The following RBMS3 variants were observed in gnomAD, a reference collection of about 807,000 sequenced individuals.
RBMS3 encodes the protein RNA-binding motif, single-stranded-interacting protein 3.
RBMS3 carries 27 observed loss-of-function variants against 66.8 expected under a neutral mutation model. That is an observed-to-expected ratio of 0.40 (90% CI 0.30 to 0.56). The LOEUF is 0.56. Ranked by LOEUF, RBMS3 falls within the 20% of genes least tolerant of loss-of-function variation. The probability of loss-of-function intolerance (pLI) is 0.40; values close to 1 mark genes in which losing one functional copy is unlikely to be tolerated. For missense variants in RBMS3, 513 were observed against 549.5 expected (o/e 0.93, Z 0.66); for synonymous variants, 188 against 183.0 (o/e 1.03, Z -0.22).
At position 29,281,400 on chromosome 3, in the gene RBMS3, G is replaced by A. The variant is rs1384819847; in HGVS notation, c.-282G>A. On this transcript the variant is annotated 5_prime_UTR_variant, in exon 1 of 15. Coordinates refer to ENST00000383767, the MANE Select transcript of RBMS3 (RefSeq NM_001003793.3). Reference sequence around the variant, plus strand: ...AACTGCCTCATCCCAAGTGGACCCCGGCAGCTGGGGGAAGCCAGGCAAGAT... The same window carrying A: ...AACTGCCTCATCCCAAGTGGACCCCAGCAGCTGGGGGAAGCCAGGCAAGAT... 8.4e-6 allele frequency: 4 copies of A among 476,698 alleles called. No homozygotes were observed. In the East Asian group the frequency reaches 1.2e-4, roughly 14 times the overall value. 29.5% of individuals were successfully genotyped at this position (476,698 alleles called of 1,614,324 possible).
intron 1 of RBMS3, among the ~76,000 whole-genome samples, chr3:29,391,916 T>G (rs866205536): frequency 2.6e-4 from 40 of 152,144 alleles, no homozygotes; most frequent in African/African-American, 9.2e-4. Flanking sequence ...ATTTTTAACA[T>G]AATAGAGGAA....
chr3:29,366,568 A>C (rs933782491), intron 1 of RBMS3, among the ~76,000 whole-genome samples: 2 of 151,638 alleles, frequency 1.3e-5, no homozygotes, highest in African/African-American at 4.8e-5. Context: ...TTTTTTTTGT[A>C]AAGACATGGT....
intron 6 of RBMS3, among the ~76,000 whole-genome samples, chr3:29,813,952 C>T (rs998707044): frequency 6.6e-6 from 1 of 152,088 alleles, no homozygotes; most frequent in Non-Finnish European, 1.5e-5. Context: ...TTCCTCTTTT[C>T]CTAATTGAAT....
chr3:29,588,346 T>G (rs2047606434), intron 4 of RBMS3, among the ~76,000 whole-genome samples: 1 of 152,112 alleles, frequency 6.6e-6, no homozygotes, highest in South Asian at 2.1e-4. Context: ...GCTCTGCTCG[T>G]GTATACATTT....
At chr3:29,972,987 A>G (rs1697320704) in intron 12 of RBMS3, among the ~76,000 whole-genome samples, 1 of 152,092 alleles carries the variant, frequency 6.6e-6, no homozygotes, top group Non-Finnish European at 1.5e-5. Context: ...AAATGAACCT[A>G]AAGAGGCTAA....
chr3:29,602,103 G>A (rs9850710), intron 4 of RBMS3, among the ~76,000 whole-genome samples: 22,199 of 151,912 alleles, frequency 0.15, 1,868 homozygotes, highest in East Asian at 0.32. Context: ...CTCTTGCTGC[G>A]GGCAACTGAG....
intron 10 of RBMS3, among the ~76,000 whole-genome samples, chr3:29,903,525 G>A (rs1220632710): frequency 2.6e-5 from 4 of 151,928 alleles, no homozygotes; most frequent in Non-Finnish European, 5.9e-5. Flanking sequence ...AGAGCAGTAT[G>A]TTACATTGCA....
At chr3:29,441,732 C>A (rs184578618) in intron 2 of RBMS3, among the ~76,000 whole-genome samples, 2 of 152,100 alleles carry the variant, frequency 1.3e-5, no homozygotes, top group Non-Finnish European at 2.9e-5. Context: ...ATGGGTCAAC[C>A]TGGATTTTGG....
intron 3 of RBMS3, among the ~76,000 whole-genome samples, chr3:29,556,180 T>A (rs35884): frequency 0.55 from 82,961 of 151,970 alleles, 23,420 homozygotes; most frequent in African/African-American, 0.67. Context: ...AAAGACAAAA[T>A]TATTTCTCAG....
chr3:29,580,170 C>T (rs994374090), intron 3 of RBMS3, among the ~76,000 whole-genome samples: 1 of 152,140 alleles, frequency 6.6e-6, no homozygotes, highest in Admixed American at 6.5e-5. Context: ...GGGACCTATT[C>T]CTTTTCCCCA....
rs1250172624 is a variant in RBMS3, at chr3:29,454,050, G to GA, written c.248+19143dup. 2.0e-5 allele frequency among the ~76,000 whole-genome samples: 3 copies of GA among 152,100 alleles called. No homozygotes were observed. The East Asian group carries it at 5.8e-4, about 29-fold the overall frequency. ...AAATTTTCTCTGTATTTCCAAAGTG[G>GA]AAAAAAAATTTCTTCCCTAGGCATT... On this transcript the variant is annotated intron_variant, in intron 2 of 14. Transcript: ENST00000383767.
At chr3:29,555,908 T>C (rs971637580) in intron 3 of RBMS3, among the ~76,000 whole-genome samples, 1 of 152,212 alleles carries the variant, frequency 6.6e-6, no homozygotes, top group Non-Finnish European at 1.5e-5. Context: ...ACTAATGTAG[T>C]AATAGTAATT....
At chr3:29,985,825 A>T (rs1698349293) in intron 12 of RBMS3, among the ~76,000 whole-genome samples, 1 of 152,138 alleles carries the variant, frequency 6.6e-6, no homozygotes, top group South Asian at 2.1e-4. Context: ...AATGCTTATT[A>T]ACCATACTAC....
intron 2 of RBMS3, among the ~76,000 whole-genome samples, chr3:29,446,644 T>C (rs1188103327): frequency 6.6e-6 from 1 of 152,124 alleles, no homozygotes; most frequent in Non-Finnish European, 1.5e-5. Context: ...CATGTCATAA[T>C]AGTATGCTTT....
At chr3:29,811,469 G>T (rs2057726882) in intron 6 of RBMS3, among the ~76,000 whole-genome samples, 1 of 152,078 alleles carries the variant, frequency 6.6e-6, no homozygotes. Flanking sequence ...TCTATAAGCT[G>T]GGTTCTATTC....
At chr3:29,800,938 G>C (rs2057368769) in intron 6 of RBMS3, among the ~76,000 whole-genome samples, 1 of 151,720 alleles carries the variant, frequency 6.6e-6, no homozygotes, top group Non-Finnish European at 1.5e-5. Context: ...CTCACTGCTT[G>C]CTTCCCCACC....
intron 3 of RBMS3, among the ~76,000 whole-genome samples, chr3:29,529,606 T>A (rs575567953): frequency 2.0e-5 from 3 of 151,844 alleles, no homozygotes; most frequent in African/African-American, 4.8e-5. Flanking sequence ...TTGATTTTTT[T>A]AAATATAAAA....
At chr3:29,685,990 C>A (rs1362620190) in intron 4 of RBMS3, among the ~76,000 whole-genome samples, 1 of 152,172 alleles carries the variant, frequency 6.6e-6, no homozygotes, top group Non-Finnish European at 1.5e-5. Flanking sequence ...AGTTGTGTAA[C>A]AACATCGCTT....
intron 3 of RBMS3, among the ~76,000 whole-genome samples, chr3:29,557,816 A>T (rs993039212): frequency 6.6e-6 from 1 of 152,250 alleles, no homozygotes; most frequent in Non-Finnish European, 1.5e-5. Flanking sequence ...TATGAAAGCC[A>T]TCCAGTAGCA....
Sources: gnomAD v4.1 joint callset for allele counts (sites outside exome capture counted in the v4.1 genomes callset) on GRCh38, gnomAD v4.1.1 for gene constraint, MANE v1.5 for transcripts, NCBI Gene and HGNC (gene_info 2026-07-23, HGNC 2026-07-21) for gene names.